Variants in MALAT1 observed in about 807,000 individuals in gnomAD.
MALAT1 encodes hepcarcin.
At chr11:65,504,488 G>GA (rs749773281) in intron 3 of MALAT1, 7 of 518,722 alleles carry the variant, frequency 1.3e-5, no homozygotes, top group South Asian at 7.0e-5. Context: ...ATTGTTGAAG[G>GA]AAAAAATCCA....
chr11:65,505,174 T>A (rs758525838), intron 3 of MALAT1: 8 of 518,696 alleles, frequency 1.5e-5, no homozygotes, highest in East Asian at 5.4e-5. Flanking sequence ...AGCCTTTTTT[T>A]AAGATTTTTC....
exon 3 of MALAT1, chr11:65,502,512 G>T (rs774635197): frequency 2.1e-6 from 1 of 483,098 alleles, no homozygotes; most frequent in Admixed American, 2.5e-5. Flanking sequence ...TTTGTAAATT[G>T]TTTATTTTAA....
chr11:65,499,165 A>G (rs1854477268), exon 3 of MALAT1: 1 of 509,612 alleles, frequency 2.0e-6, no homozygotes, highest in Admixed American at 2.0e-5. Flanking sequence ...TAAAAAATAT[A>G]GTCAATAGGT....
exon 3 of MALAT1, chr11:65,502,131 C>CTG (rs764788792): frequency 3.9e-6 from 2 of 516,390 alleles, no homozygotes; most frequent in Admixed American, 3.9e-5. Flanking sequence ...TAATTTGATA[C>CTG]TGTATCTGTT....
chr11:65,501,416 A>T (rs760748751), exon 3 of MALAT1: 17 of 517,564 alleles, frequency 3.3e-5, no homozygotes, highest in Middle Eastern at 3.2e-4. Context: ...TGTGGAAGAG[A>T]TGTCCATTGG....
At chr11:65,505,235 G>A (rs1281437762) in intron 3 of MALAT1, 2 of 518,314 alleles carry the variant, frequency 3.9e-6, no homozygotes, top group Non-Finnish European at 7.7e-6. Flanking sequence ...CAACCATGGA[G>A]CCTTCCTGTG....
chr11:65,499,881 T>G (rs973908767), exon 3 of MALAT1: 8 of 430,030 alleles, frequency 1.9e-5, no homozygotes, highest in African/African-American at 1.7e-4. Flanking sequence ...ATGAAAATAT[T>G]GTCAAGAGTT....
exon 3 of MALAT1, chr11:65,503,505 G>A (rs73497102): frequency 0.015 from 7,582 of 518,652 alleles, 407 homozygotes; most frequent in African/African-American, 0.12. Flanking sequence ...AAGGCTCTAT[G>A]AAAGGAATAG....
exon 3 of MALAT1, chr11:65,500,090 T>G (rs989995846): frequency 2.2e-6 from 1 of 461,448 alleles, no homozygotes; most frequent in Non-Finnish European, 4.3e-6. Flanking sequence ...TGAGGGTGTT[T>G]ACGTAGACCA....
chr11:65,501,206 C>T (rs1210135780), exon 3 of MALAT1: 3 of 427,580 alleles, frequency 7.0e-6, no homozygotes, highest in South Asian at 1.5e-5. Flanking sequence ...GTAACTGAGG[C>T]GGGGGGGAGT....
At chr11:65,499,468 T>G (rs749230382) in exon 3 of MALAT1, 1 of 465,654 alleles carries the variant, frequency 2.1e-6, no homozygotes, top group Non-Finnish European at 4.3e-6. Flanking sequence ...TGTAGGTGAT[T>G]AAAATAATTT....
rs145769549 is a variant in MALAT1 at position 65,501,989 on chromosome 11, T to A, written n.3252T>A. On this transcript the variant is annotated non_coding_transcript_exon_variant, in exon 3 of 4. Transcript: ENST00000619449. ...TTAGAATGGAAAAAGTAAAGAAATA[T>A]CAACTTCCAAGTTGGCAAGTAACTC... 8.7e-4 allele frequency: 446 copies of A among 512,808 alleles called. 2 individuals are homozygous for A. Among genetic ancestry groups the A allele is most frequent in the African/African-American group, 7.5e-3 (388 of 51,666 alleles). 31.8% of individuals were successfully genotyped at this position (512,808 alleles called of 1,614,324 possible).
exon 3 of MALAT1, chr11:65,500,478 A>G (rs754033732): frequency 1.7e-5 from 9 of 518,878 alleles, no homozygotes; most frequent in Non-Finnish European, 3.1e-5. Flanking sequence ...TGATGAAGCT[A>G]GGACTGAGGA....
exon 3 of MALAT1, chr11:65,503,864 A>G (rs774147885): frequency 9.6e-6 from 5 of 518,406 alleles, no homozygotes; most frequent in African/African-American, 7.7e-5. Context: ...GCACATGGCA[A>G]TAGAGGCCCT....
At chr11:65,505,958 A>G (rs570953245) in intron 3 of MALAT1, 20 of 442,208 alleles carry the variant, frequency 4.5e-5, no homozygotes, top group South Asian at 3.1e-4. Context: ...TCAGGTGAAC[A>G]TAACAGACTT....
exon 3 of MALAT1, chr11:65,501,578 T>A: frequency 1.9e-6 from 1 of 518,732 alleles, no homozygotes. Flanking sequence ...TGTTTTTTTC[T>A]AAGATTTTCC....
At chr11:65,499,438 T>C (rs1854486901) in exon 3 of MALAT1, 1 of 475,182 alleles carries the variant, frequency 2.1e-6, no homozygotes, top group Non-Finnish European at 4.2e-6. Flanking sequence ...CTTAAACAGC[T>C]TAAAGTTTAG....
At chr11:65,499,087 A>G (rs780324439) in exon 3 of MALAT1, 10 of 518,246 alleles carry the variant, frequency 1.9e-5, no homozygotes, top group African/African-American at 1.2e-4. Flanking sequence ...CTGAGGGGGC[A>G]GGCGGAGCTT....
rs777570056 is a variant in MALAT1 at position 65,500,620 on chromosome 11, AG to A, written n.1885del. On this transcript the variant is annotated non_coding_transcript_exon_variant, in exon 3 of 4. Transcript: ENST00000619449. The stretch of plus-strand genomic sequence containing the variant: ...TGGTGAAGCTAGGAAAAAGGATTCC[AG>A]GAAGGAGCGAGTGCAATTTGGTGAT... 4 of 518,976 alleles carry A rather than the reference AG, an allele frequency of 7.7e-6. No homozygotes were observed. The East Asian group carries it at 1.6e-4, about 21-fold the overall frequency. 32.1% of individuals were successfully genotyped at this position (518,976 alleles called of 1,614,324 possible). A position where few individuals can be genotyped will look rare whatever the true frequency, so the allele number is the denominator to read the frequency against.
Sources: allele counts gnomAD v4.1 joint callset, GRCh38; gene constraint gnomAD v4.1.1; transcripts MANE v1.5; gene names NCBI Gene and HGNC (gene_info 2026-07-23, HGNC 2026-07-21).